GNAS-AS1: variants seen among roughly 807,000 people sequenced by gnomAD.
GNAS-AS1 encodes the protein GNAS antisense RNA 1, also known as GNAS antisense RNA 1 (non-protein coding).
intron 1 of GNAS-AS1, among the ~76,000 whole-genome samples, chr20:58,849,632 C>T (rs544741069): frequency 9.8e-5 from 15 of 152,336 alleles, no homozygotes; most frequent in Non-Finnish European, 1.5e-4. Flanking sequence ...CCACTGACTT[C>T]CCTGTCCCAC....
chr20:58,839,246 C>G (rs1302630715), intron 4 of GNAS-AS1: 1 of 398,486 alleles, frequency 2.5e-6, no homozygotes, highest in Non-Finnish European at 4.4e-6. Context: ...TTTCTAATTA[C>G]AGTCACTATA....
intron 4 of GNAS-AS1, among the ~76,000 whole-genome samples, chr20:58,827,129 C>T (rs562034004): frequency 6.6e-6 from 1 of 152,220 alleles, no homozygotes; most frequent in African/African-American, 2.4e-5. Context: ...TAGGTTTTCC[C>T]TAGCCCTCTC....
At chr20:58,846,147 T>C (rs2085931729) in intron 2 of GNAS-AS1, among the ~76,000 whole-genome samples, 1 of 151,928 alleles carries the variant, frequency 6.6e-6, no homozygotes, top group African/African-American at 2.4e-5. Flanking sequence ...AGAGAACCCC[T>C]GGGAAGGAGC....
At chr20:58,837,099 C>T (rs1041522577) in intron 4 of GNAS-AS1, among the ~76,000 whole-genome samples, 1 of 152,176 alleles carries the variant, frequency 6.6e-6, no homozygotes, top group Admixed American at 6.5e-5. Flanking sequence ...GAATCATAAT[C>T]TACCTCGTTG....
At chr20:58,842,098 G>C (rs1033670589) in exon 4 of GNAS-AS1, 1 of 402,214 alleles carries the variant, frequency 2.5e-6, no homozygotes, top group Non-Finnish European at 4.4e-6. Context: ...TTTTCAGCAC[G>C]GGTAGAGTTA....
At chr20:58,842,125 T>C (rs1300848123) in exon 4 of GNAS-AS1, 3 of 399,248 alleles carry the variant, frequency 7.5e-6, no homozygotes, top group Non-Finnish European at 1.3e-5. Context: ...ATCTGTAACC[T>C]GGAGGGGAAT....
Position 58,840,870 on chromosome 20 carries a change from T to C in GNAS-AS1, n.819+1067A>G. 6.2e-7 allele frequency: 1 copy of C among 1,612,742 alleles called. No individual in the cohort carries two copies. Among genetic ancestry groups the C allele is most frequent in the South Asian group, 1.1e-5 (1 of 91,062 alleles). The stretch of plus-strand genomic sequence containing the variant: ...TGGAGGACGCCGTCCAGATTCTCCT[T>C]GTTTTCATGGATTCAGGTTAGTTGC... On this transcript the variant is annotated intron_variant and non_coding_transcript_variant, in intron 4 of 4. Coordinates refer to ENST00000424094, the Ensembl canonical transcript of GNAS-AS1. The surrounding 1 kb of genome is among the most constrained non-coding windows in gnomAD (Gnocchi z 6.0).
chr20:58,832,413 A>G (rs2085573636), intron 4 of GNAS-AS1, among the ~76,000 whole-genome samples: 1 of 152,252 alleles, frequency 6.6e-6, no homozygotes, highest in African/African-American at 2.4e-5. Context: ...ACGCCATTCC[A>G]GTCAAAATAT....
exon 1 of GNAS-AS1, chr20:58,850,792 G>A (rs938765803): frequency 2.8e-5 from 11 of 398,642 alleles, no homozygotes; most frequent in South Asian, 2.5e-4. Flanking sequence ...GTGACCCCAC[G>A]GCGCTAGCGG....
At chr20:58,845,546 A>C (rs1321274147) in intron 2 of GNAS-AS1, among the ~76,000 whole-genome samples, 1 of 152,238 alleles carries the variant, frequency 6.6e-6, no homozygotes, top group Non-Finnish European at 1.5e-5. Context: ...TTCAAAAACA[A>C]AAAAATCTGG....
chr20:58,837,005 T>C (rs2085608139), intron 4 of GNAS-AS1, among the ~76,000 whole-genome samples: 1 of 152,182 alleles, frequency 6.6e-6, no homozygotes, highest in African/African-American at 2.4e-5. Flanking sequence ...TCTATATTAG[T>C]GAATCAGCTC....
intron 4 of GNAS-AS1, among the ~76,000 whole-genome samples, chr20:58,835,370 C>T (rs1376454107): frequency 6.6e-6 from 1 of 152,098 alleles, no homozygotes; most frequent in Non-Finnish European, 1.5e-5. Context: ...CTGACAATAG[C>T]CTGCAAGCCT....
intron 4 of GNAS-AS1, among the ~76,000 whole-genome samples, chr20:58,838,104 C>T (rs368244530): frequency 2.9e-4 from 44 of 152,302 alleles, no homozygotes; most frequent in African/African-American, 1.1e-3. Flanking sequence ...GTGAAACAAC[C>T]TTCTTGATAC....
At chr20:58,842,521 T>C (rs2085778534) in exon 3 of GNAS-AS1, 4 of 398,572 alleles carry the variant, frequency 1.0e-5, no homozygotes, top group African/African-American at 2.1e-5. Flanking sequence ...GCGCAGACTG[T>C]GGTTGGATGC....
Position 58,841,543 on chromosome 20 carries a change from G to C in GNAS-AS1, n.819+394C>G. On this transcript the variant is annotated intron_variant and non_coding_transcript_variant, in intron 4 of 4. Coordinates refer to ENST00000424094, the Ensembl canonical transcript of GNAS-AS1. The surrounding 1 kb of genome is among the most constrained non-coding windows in gnomAD (Gnocchi z 5.0). The stretch of plus-strand genomic sequence containing the variant: ...CAGTGCCTCCAGCTGCCGTGCGCCA[G>C]CCTTGGCCGCCACAGCCCGCCTCCC... 1 of 996,526 alleles carries C rather than the reference G, an allele frequency of 1.0e-6. No homozygotes were observed. Among genetic ancestry groups the C allele is most frequent in the Non-Finnish European group, 1.2e-6 (1 of 837,834 alleles). The allele number at this position is 996,526 out of a possible 1,614,324, so 61.7% of individuals were successfully genotyped here.
rs941455444 is a variant in GNAS-AS1, at chr20:58,841,911, T to G, written n.819+26A>C. 6 of 1,224,056 alleles carry G rather than the reference T, an allele frequency of 4.9e-6. No homozygotes were observed. Among genetic ancestry groups the G allele is most frequent in the Admixed American group, 4.2e-5 (1 of 23,676 alleles). 75.8% of individuals were successfully genotyped at this position (1,224,056 alleles called of 1,614,324 possible). Reference sequence around the variant, plus strand: ...ACAAGGGACAGGCTGGAGACGGGGGTCGCGTCTAACATCAGGATAACTTAC... The same window carrying G: ...ACAAGGGACAGGCTGGAGACGGGGGGCGCGTCTAACATCAGGATAACTTAC... On this transcript the variant is annotated intron_variant and non_coding_transcript_variant, in intron 4 of 4. Coordinates refer to ENST00000424094, the Ensembl canonical transcript of GNAS-AS1. This position sits in a 1 kb window ranked among gnomAD's most constrained non-coding sequence, Gnocchi z 5.0.
In GNAS-AS1 at chr20:58,840,242, G is replaced by A; in HGVS notation, n.819+1695C>T. On this transcript the variant is annotated intron_variant and non_coding_transcript_variant, in intron 4 of 4. Coordinates refer to ENST00000424094, the Ensembl canonical transcript of GNAS-AS1. The surrounding 1 kb of genome is among the most constrained non-coding windows in gnomAD (Gnocchi z 6.0). The stretch of plus-strand genomic sequence containing the variant: ...CTCCATCGCGCTCCTCCGCGCCCTT[G>A]CCACCTCCAACGCCCGTGCCCAGCA... The A allele has an allele frequency of 1.2e-6, 2 of 1,611,110 alleles. No individual in the cohort carries two copies. Among genetic ancestry groups the A allele is most frequent in the Non-Finnish European group, 1.7e-6 (2 of 1,179,814 alleles).
At position 58,841,540 on chromosome 20, in the gene GNAS-AS1, C is replaced by T. The variant is rs1027921899; in HGVS notation, n.819+397G>A. The T allele has an allele frequency of 1.8e-5, 18 of 995,780 alleles. 1 individual carries two copies. The East Asian group carries it at 4.3e-4, about 24-fold the overall frequency. 61.7% of individuals were successfully genotyped at this position (995,780 alleles called of 1,614,324 possible). ...CGCCAGTGCCTCCAGCTGCCGTGCG[C>T]CAGCCTTGGCCGCCACAGCCCGCCT... On this transcript the variant is annotated intron_variant and non_coding_transcript_variant, in intron 4 of 4. Coordinates refer to ENST00000424094, the Ensembl canonical transcript of GNAS-AS1. The surrounding 1 kb of genome is among the most constrained non-coding windows in gnomAD (Gnocchi z 5.0).
intron 4 of GNAS-AS1, among the ~76,000 whole-genome samples, chr20:58,830,802 T>C (rs1045843460): frequency 1.5e-4 from 22 of 151,314 alleles, no homozygotes; most frequent in African/African-American, 4.4e-4. Flanking sequence ...AAGATTTATA[T>C]CCAGGCCTGT....
Sources: allele counts gnomAD v4.1 joint callset (sites outside exome capture counted in the v4.1 genomes callset), GRCh38; gene constraint gnomAD v4.1.1; non-coding constraint Gnocchi (gnomAD v3.1); transcripts MANE v1.5; gene names NCBI Gene and HGNC (gene_info 2026-07-23, HGNC 2026-07-21).